ARHGAP10: variants seen among roughly 807,000 people sequenced by gnomAD.
The protein encoded by ARHGAP10 is Rho GTPase activating protein 10.
A neutral mutation model predicts 108.6 loss-of-function variants in ARHGAP10; 87 were observed. That is an observed-to-expected ratio of 0.80 (90% confidence interval 0.67 to 0.96). The LOEUF (loss-of-function observed/expected upper bound fraction) is 0.96. Among genes scored for constraint, ARHGAP10 ranks in the 40% least tolerant of loss-of-function variants. The pLI, the probability that ARHGAP10 is intolerant of heterozygous loss-of-function variation, is 0.00. For synonymous variants in ARHGAP10, 347 were observed against 341.1 expected, an observed-to-expected ratio of 1.02 and a Z score of -0.19; for missense variants, 939 against 954.5, an observed-to-expected ratio of 0.98 and a Z score of 0.21.
At chr4:147,839,142 A>ATCTGTCTGTCTGTCTG (rs66465708) in intron 3 of ARHGAP10, among the ~76,000 whole-genome samples, 3 of 117,852 alleles carry the variant, frequency 2.5e-5, no homozygotes, top group East Asian at 2.5e-4. Flanking sequence ...CTATCTATCT[A>ATCTGTCTGTCTGTCTG]TCTGTCTGTC....
Position 147,881,862 on chromosome 4 carries a change from A to G in ARHGAP10, c.964A>G (p.Lys322Glu). 1.2e-6 allele frequency: 2 copies of G among 1,613,968 alleles called. No individual in the cohort carries two copies. The highest frequency in any genetic ancestry group is 1.3e-5 in the African/African-American group (1 of 75,038). Residue 322 changes from lysine (K) to glutamate (E), a missense_variant, in exon 10 of 23, where the codon AAA (lysine) becomes GAA (glutamate). Lys to Glu is a moderately conservative substitution (Grantham distance 56, BLOSUM62 1). Coordinates refer to ENST00000336498, the MANE Select transcript of ARHGAP10 (RefSeq NM_024605.4). The part of the protein sequence containing the change: ...KLGDGEVFFL[K>E]ECTKRHTDSI... ...GGGGGACGGAGAGGTGTTCTTTTTG[A>G]AAGAATGTACCAAGAGGCATACTGA...
chr4:147,809,039 T>A (rs1224376981), intron 1 of ARHGAP10: 1 of 152,230 alleles, frequency 6.6e-6, no homozygotes, highest in Admixed American at 6.5e-5. Context: ...TAATCAGGTG[T>A]CTGCACTAAG....
intron 18 of ARHGAP10, among the ~76,000 whole-genome samples, chr4:147,985,680 T>C (rs1473600715): frequency 2.0e-5 from 3 of 152,250 alleles, no homozygotes; most frequent in Non-Finnish European, 4.4e-5. Context: ...TGCTGAAGAA[T>C]GACTGCCTTG....
At chr4:147,884,077 A>T (rs1735444614) in intron 10 of ARHGAP10, among the ~76,000 whole-genome samples, 1 of 152,220 alleles carries the variant, frequency 6.6e-6, no homozygotes, top group Non-Finnish European at 1.5e-5. Context: ...ATTGACAAAG[A>T]TGAGCTAGCA....
At chr4:147,862,450 A>C (rs1280259021) in intron 5 of ARHGAP10, 1 of 152,346 alleles carries the variant, frequency 6.6e-6, no homozygotes, top group East Asian at 1.9e-4. Context: ...TGCCCTGATA[A>C]CTCTGTAGAA....
rs542024124 is a variant in ARHGAP10 at position 148,039,778 on chromosome 4, CTGTT to C, written c.1868-7111_1868-7108del. ...TACGTGCAGGATTTTCCTTACTCCT[CTGTT>C]TGGCACTCTCAGTCCTTTATAATTG... On this transcript the variant is annotated intron_variant, in intron 19 of 22. Transcript: ENST00000336498. Among the ~76,000 whole-genome samples, 19 of 152,218 alleles carry C rather than the reference CTGTT, an allele frequency of 1.2e-4. No homozygotes were observed. The East Asian group carries it at 3.7e-3, about 29-fold the overall frequency.
At chr4:148,032,318 T>A in intron 19 of ARHGAP10, among the ~76,000 whole-genome samples, 1 of 77,052 alleles carries the variant, frequency 1.3e-5, no homozygotes, top group Admixed American at 1.8e-4. Context: ...ATATTGGCAA[T>A]TTCAACTGTC....
intron 13 of ARHGAP10, among the ~76,000 whole-genome samples, chr4:147,932,974 C>T (rs978619996): frequency 6.6e-6 from 1 of 152,116 alleles, no homozygotes; most frequent in Non-Finnish European, 1.5e-5. Flanking sequence ...TCAGGTCATG[C>T]ATTTATACTT....
chr4:147,790,176 C>T (rs1242623962), intron 1 of ARHGAP10, among the ~76,000 whole-genome samples: 7 of 151,952 alleles, frequency 4.6e-5, no homozygotes, highest in South Asian at 2.1e-4. Flanking sequence ...CTGACTTGCA[C>T]GCCACCTTCT....
intron 18 of ARHGAP10, among the ~76,000 whole-genome samples, chr4:147,991,359 G>C (rs145092637): frequency 6.6e-6 from 1 of 152,220 alleles, no homozygotes; most frequent in Non-Finnish European, 1.5e-5. Context: ...AAGAGAAAAA[G>C]ACACAGGTGG....
intron 11 of ARHGAP10, among the ~76,000 whole-genome samples, chr4:147,907,709 A>G (rs891794894): frequency 1.3e-5 from 2 of 152,192 alleles, no homozygotes; most frequent in African/African-American, 2.4e-5. Context: ...GAAAACCTAA[A>G]TTAACATAGT....
At chr4:148,053,307 C>T (rs1729223122) in intron 20 of ARHGAP10, among the ~76,000 whole-genome samples, 1 of 152,198 alleles carries the variant, frequency 6.6e-6, no homozygotes, top group Admixed American at 6.5e-5. Flanking sequence ...TGCCCCGATT[C>T]TGAAACCCAG....
At chr4:147,925,608 G>A (rs533476763) in intron 13 of ARHGAP10, among the ~76,000 whole-genome samples, 26 of 152,228 alleles carry the variant, frequency 1.7e-4, no homozygotes, top group Admixed American at 5.9e-4. Flanking sequence ...TACAGGGAAG[G>A]TATTAGAGGA....
intron 1 of ARHGAP10, among the ~76,000 whole-genome samples, chr4:147,805,801 C>T (rs1270169428): frequency 6.6e-6 from 1 of 152,054 alleles, no homozygotes; most frequent in African/African-American, 2.4e-5. Flanking sequence ...AGAGCAAGAC[C>T]CTGTCTCTTT....
intron 19 of ARHGAP10, among the ~76,000 whole-genome samples, chr4:148,028,277 A>G (rs1434446802): frequency 6.6e-6 from 1 of 152,154 alleles, no homozygotes; most frequent in Non-Finnish European, 1.5e-5. Flanking sequence ...AGAAGGGGAC[A>G]GTGTTGACAG....
intron 1 of ARHGAP10, among the ~76,000 whole-genome samples, chr4:147,761,373 T>C (rs1729583644): frequency 6.6e-6 from 1 of 152,164 alleles, no homozygotes; most frequent in Non-Finnish European, 1.5e-5. Flanking sequence ...TCTAGGTTTT[T>C]CTCCTTTTAG....
rs147328909 is a variant in ARHGAP10, at chr4:147,982,707, T to C, written c.1716+15868T>C. ...TGAGCCACCACACCTAGCCTGGATT[T>C]CTTATATCTGCATTTTAACCTCTCA... On this transcript the variant is annotated intron_variant, in intron 18 of 22. Coordinates refer to ENST00000336498, the MANE Select transcript of ARHGAP10 (RefSeq NM_024605.4). Among the ~76,000 whole-genome samples the C allele has an allele frequency of 3.6e-3, 547 of 152,084 alleles. 3 individuals carry two copies. The highest frequency in any genetic ancestry group is 0.012 in the African/African-American group (514 of 41,452).
chr4:147,909,360 C>T (rs1736638063), intron 11 of ARHGAP10, among the ~76,000 whole-genome samples: 2 of 152,110 alleles, frequency 1.3e-5, no homozygotes, highest in Non-Finnish European at 2.9e-5. Context: ...AACTCAATTG[C>T]CAGCTCACTG....
chr4:147,857,290 C>G (rs965460096), intron 4 of ARHGAP10, among the ~76,000 whole-genome samples: 1 of 152,090 alleles, frequency 6.6e-6, no homozygotes, highest in Non-Finnish European at 1.5e-5. Context: ...TTTAACATTG[C>G]TAAGTCTGAA....
Sources: allele counts gnomAD v4.1 joint callset (sites outside exome capture counted in the v4.1 genomes callset), GRCh38; gene constraint gnomAD v4.1.1; transcripts MANE v1.5; gene names NCBI Gene and HGNC (gene_info 2026-07-23, HGNC 2026-07-21).